The following RPTOR variants were observed in gnomAD, a reference collection of about 807,000 sequenced individuals.
The protein encoded by RPTOR is regulatory associated protein of MTOR complex 1.
RPTOR carries 21 observed loss-of-function variants against 169.9 expected under a neutral mutation model. The ratio of observed to expected loss-of-function variants is 0.12; its 90% confidence interval spans 0.09 to 0.18. RPTOR has a LOEUF of 0.18. Among genes scored for constraint, RPTOR ranks in the 10% least tolerant of loss-of-function variants. The pLI is 1.00. For missense variants in RPTOR, 1,133 were observed against 1,855.9 expected (o/e 0.61, Z 7.16); for synonymous variants, 732 against 753.2 (o/e 0.97, Z 0.46).
chr17:80,704,743 T>C (rs1313561197), intron 3 of RPTOR, among the ~76,000 whole-genome samples: 1 of 152,234 alleles, frequency 6.6e-6, no homozygotes, highest in Non-Finnish European at 1.5e-5. Context: ...GGGGAAAGGA[T>C]ATAAAACTTG....
At chr17:80,928,655 CTTT>C (rs1028540910) in intron 24 of RPTOR, among the ~76,000 whole-genome samples, 6 of 152,222 alleles carry the variant, frequency 3.9e-5, no homozygotes, top group African/African-American at 9.7e-5. Flanking sequence ...TGCGGCTCAC[CTTT>C]GATTGGTGAA....
intron 3 of RPTOR, among the ~76,000 whole-genome samples, chr17:80,661,550 C>A (rs552428051): frequency 1.3e-5 from 2 of 152,240 alleles, no homozygotes; most frequent in East Asian, 3.9e-4. Context: ...GTTTTGCACC[C>A]GTGGCAGTGG....
chr17:80,755,095 G>A (rs576313292), intron 6 of RPTOR, among the ~76,000 whole-genome samples: 8 of 151,704 alleles, frequency 5.3e-5, no homozygotes, highest in Non-Finnish European at 8.8e-5. Context: ...GCAGCCTGAG[G>A]GGGGAGGAAA....
intron 6 of RPTOR, among the ~76,000 whole-genome samples, chr17:80,774,508 T>G (rs1476070784): frequency 6.6e-6 from 1 of 152,186 alleles, no homozygotes; most frequent in East Asian, 1.9e-4. Context: ...GGTGGACAGC[T>G]TCATTTATGG....
intron 2 of RPTOR, among the ~76,000 whole-genome samples, chr17:80,637,899 A>G (rs759652173): frequency 2.6e-5 from 4 of 152,254 alleles, no homozygotes; most frequent in Non-Finnish European, 5.9e-5. Flanking sequence ...TCGTGGGTTT[A>G]CAGAGCACTT....
chr17:80,744,954 G>A (rs1403675897), intron 5 of RPTOR, among the ~76,000 whole-genome samples: 2 of 141,976 alleles, frequency 1.4e-5, no homozygotes, highest in African/African-American at 3.0e-5. Flanking sequence ...TACTAGCAGA[G>A]CCCTGGCTTC....
chr17:80,729,999 C>T (rs1875155359), intron 4 of RPTOR, among the ~76,000 whole-genome samples: 1 of 152,194 alleles, frequency 6.6e-6, no homozygotes, highest in Admixed American at 6.5e-5. Flanking sequence ...CTGAACCCAG[C>T]GGCAGCTGCG....
intron 28 of RPTOR, 142 bp downstream of exon 28, chr17:80,949,689 C>T (rs2069149306): frequency 2.9e-6 from 2 of 684,942 alleles, no homozygotes; most frequent in Non-Finnish European, 5.1e-6. Context: ...AACAGCTCCC[C>T]GCCAATGTCC....
At chr17:80,549,398 C>T (rs1408828472) in intron 1 of RPTOR, among the ~76,000 whole-genome samples, 1 of 152,158 alleles carries the variant, frequency 6.6e-6, no homozygotes. Context: ...CAACCTCCGC[C>T]TCTTGGGTTC....
At chr17:80,910,524 C>G (rs922317421) in intron 21 of RPTOR, among the ~76,000 whole-genome samples, 1 of 152,182 alleles carries the variant, frequency 6.6e-6, no homozygotes, top group Non-Finnish European at 1.5e-5. Flanking sequence ...TGTTCTACGT[C>G]TTCATCTGAC....
chr17:80,788,543 C>G (rs565591746), intron 6 of RPTOR, among the ~76,000 whole-genome samples: 1 of 152,286 alleles, frequency 6.6e-6, no homozygotes, highest in South Asian at 2.1e-4. Context: ...CACCGCTCCA[C>G]TGTCTTCCTG....
chr17:80,603,425 T>C (rs1330054925), intron 1 of RPTOR, among the ~76,000 whole-genome samples: 1 of 152,206 alleles, frequency 6.6e-6, no homozygotes, highest in African/African-American at 2.4e-5. Flanking sequence ...CTGCGCGCTT[T>C]GCAAGAAGCT....
chr17:80,918,548 A>ATAGCCACGAGCACCCTCG (rs1567986314), intron 21 of RPTOR, among the ~76,000 whole-genome samples: 1 of 44,316 alleles, frequency 2.3e-5, no homozygotes, highest in African/African-American at 6.2e-5. Context: ...GAGCACCCTC[A>ATAGCCACGAGCACCCTCG]CGGGGGTCAT....
At chr17:80,853,793 G>A (rs968887948) in intron 11 of RPTOR, among the ~76,000 whole-genome samples, 3 of 152,108 alleles carry the variant, frequency 2.0e-5, no homozygotes, top group Non-Finnish European at 4.4e-5. Context: ...CCTGCCTAAT[G>A]CAGTGAAACC....
At chr17:80,647,898 G>C (rs911378483) in intron 3 of RPTOR, among the ~76,000 whole-genome samples, 1 of 152,166 alleles carries the variant, frequency 6.6e-6, no homozygotes, top group African/African-American at 2.4e-5. Flanking sequence ...ACTTATCCAT[G>C]CACAGCCCTG....
chr17:80,827,708 G>T (rs1446516656), intron 9 of RPTOR, among the ~76,000 whole-genome samples: 1 of 152,166 alleles, frequency 6.6e-6, no homozygotes, highest in Admixed American at 6.5e-5. Context: ...GCAGAGCCCA[G>T]GGAGCAATCT....
intron 11 of RPTOR, among the ~76,000 whole-genome samples, chr17:80,854,084 G>A (rs2067826129): frequency 6.6e-6 from 1 of 152,080 alleles, no homozygotes; most frequent in African/African-American, 2.4e-5. Context: ...ATGTCAATAA[G>A]AAAAAGCCAC....
At chr17:80,690,688 T>C (rs1036484251) in intron 3 of RPTOR, among the ~76,000 whole-genome samples, 29 of 152,336 alleles carry the variant, frequency 1.9e-4, no homozygotes, top group Admixed American at 1.7e-3. Context: ...TGTGTGGTGC[T>C]GTGTCCTTAC....
At chr17:80,673,713 A>G (rs544450327) in intron 3 of RPTOR, among the ~76,000 whole-genome samples, 3 of 152,336 alleles carry the variant, frequency 2.0e-5, no homozygotes, top group Non-Finnish European at 2.9e-5. Context: ...CTTCAAAGAA[A>G]TCCTTCAGGG....
Sources: gnomAD v4.1 joint callset for allele counts (sites outside exome capture counted in the v4.1 genomes callset) on GRCh38, gnomAD v4.1.1 for gene constraint, MANE v1.5 for transcripts, NCBI Gene and HGNC (gene_info 2026-07-23, HGNC 2026-07-21) for gene names.